The following GPC6 variants were observed in gnomAD, a reference collection of about 807,000 sequenced individuals.
GPC6 encodes the protein glypican 6, also known as glypican-6.
In GPC6, 14 loss-of-function variants were observed where a neutral mutation model predicts 55.2. The observed-to-expected ratio is 0.25, with a 90% CI of 0.17 to 0.40. GPC6 has a LOEUF of 0.40. Among genes scored for constraint, GPC6 ranks in the 10% least tolerant of loss-of-function variants. The pLI, the probability that GPC6 is intolerant of heterozygous loss-of-function variation, is 1.00. For synonymous variants in GPC6, 278 were observed against 259.6 expected (o/e 1.07, Z -0.68); for missense variants, 641 against 708.5 (o/e 0.90, Z 1.08).
intron 1 of GPC6, among the ~76,000 whole-genome samples, chr13:93,478,612 T>TGAAGGAGAATTTCA (rs1205748248): frequency 4.6e-5 from 7 of 152,162 alleles, no homozygotes; most frequent in Admixed American, 4.6e-4. Context: ...CCATAGCACA[T>TGAAGGAGAATTTCA]GAAGGAGAAT....
intron 4 of GPC6, among the ~76,000 whole-genome samples, chr13:94,100,635 T>C (rs974142385): frequency 6.6e-6 from 1 of 152,208 alleles, no homozygotes; most frequent in Non-Finnish European, 1.5e-5. Flanking sequence ...TCTGAACTTA[T>C]TGAGCTGAGT....
chr13:93,351,712 A>G (rs1211282580), intron 1 of GPC6, among the ~76,000 whole-genome samples: 2 of 152,170 alleles, frequency 1.3e-5, no homozygotes, highest in East Asian at 1.9e-4. Context: ...AATTTGTACA[A>G]TTACTATATG....
At chr13:94,149,338 A>G (rs1887660931) in intron 4 of GPC6, among the ~76,000 whole-genome samples, 1 of 152,160 alleles carries the variant, frequency 6.6e-6, no homozygotes, top group South Asian at 2.1e-4. Flanking sequence ...TGTCCCCAGG[A>G]AAAGCTGTGA....
intron 3 of GPC6, among the ~76,000 whole-genome samples, chr13:94,000,359 C>T (rs552584350): frequency 7.2e-5 from 11 of 152,252 alleles, no homozygotes; most frequent in African/African-American, 2.4e-4. Context: ...ATTTATTATT[C>T]TATATTACAT....
intron 5 of GPC6, among the ~76,000 whole-genome samples, chr13:94,301,848 CATTGAACCTATGGCCCT>C (rs1387414954): frequency 2.0e-5 from 3 of 152,250 alleles, no homozygotes; most frequent in Non-Finnish European, 4.4e-5. Flanking sequence ...TACTGACTCT[CATTGAACCTATGGCCCT>C]ATCCATCACA....
chr13:94,313,006 A>G (rs972888658), intron 6 of GPC6, among the ~76,000 whole-genome samples: 2 of 152,148 alleles, frequency 1.3e-5, no homozygotes, highest in South Asian at 2.1e-4. Flanking sequence ...CCCCACTGAG[A>G]CACCCCAGTT....
At chr13:93,979,318 T>TGTGTG (rs763435043) in intron 3 of GPC6, among the ~76,000 whole-genome samples, 1 of 139,100 alleles carries the variant, frequency 7.2e-6, no homozygotes, top group Non-Finnish European at 1.6e-5. Context: ...TGTGTGTGTG[T>TGTGTG]TTGTGTGTGT....
At chr13:94,055,542 A>G (rs905613909) in intron 4 of GPC6, among the ~76,000 whole-genome samples, 2 of 152,244 alleles carry the variant, frequency 1.3e-5, no homozygotes, top group Non-Finnish European at 2.9e-5. Context: ...GTACTTGAAA[A>G]GAATAGTTTA....
At chr13:93,265,875 A>G (rs895956942) in intron 1 of GPC6, among the ~76,000 whole-genome samples, 1 of 151,768 alleles carries the variant, frequency 6.6e-6, no homozygotes, top group Non-Finnish European at 1.5e-5. Flanking sequence ...CGCAAGGACA[A>G]CTGGCAGGAG....
chr13:93,590,174 AT>A (rs1228670309), intron 2 of GPC6, among the ~76,000 whole-genome samples: 1 of 152,196 alleles, frequency 6.6e-6, no homozygotes, highest in African/African-American at 2.4e-5. Flanking sequence ...AGAGTTTGTA[AT>A]TTATAGTAAA....
intron 5 of GPC6, among the ~76,000 whole-genome samples, chr13:94,304,126 C>T (rs1388196121): frequency 6.6e-6 from 1 of 152,206 alleles, no homozygotes; most frequent in Non-Finnish European, 1.5e-5. Flanking sequence ...TTAGGCACTA[C>T]GGAGAAAAGG....
At chr13:93,579,041 A>C (rs373410275) in intron 2 of GPC6, among the ~76,000 whole-genome samples, 4 of 152,112 alleles carry the variant, frequency 2.6e-5, no homozygotes, top group African/African-American at 9.7e-5. Flanking sequence ...GTTGGAGCTA[A>C]AAAACTAGAT....
intron 6 of GPC6, among the ~76,000 whole-genome samples, chr13:94,321,839 C>T (rs1358221917): frequency 6.6e-6 from 1 of 152,212 alleles, no homozygotes; most frequent in Non-Finnish European, 1.5e-5. Context: ...AATACCTAAG[C>T]TCTTGGTGCT....
chr13:93,387,474 C>T (rs1363831718), intron 1 of GPC6, among the ~76,000 whole-genome samples: 1 of 152,210 alleles, frequency 6.6e-6, no homozygotes, highest in Non-Finnish European at 1.5e-5. Flanking sequence ...TGGCTTCCAA[C>T]TTCATCCATG....
intron 1 of GPC6, among the ~76,000 whole-genome samples, chr13:93,351,504 C>T (rs138850118): frequency 7.0e-4 from 107 of 152,020 alleles, no homozygotes; most frequent in African/African-American, 2.4e-3. Flanking sequence ...AGGAGGAATA[C>T]GTTCTAGTGT....
At chr13:93,758,878 G>A (rs1029263284) in intron 2 of GPC6, among the ~76,000 whole-genome samples, 1 of 152,074 alleles carries the variant, frequency 6.6e-6, no homozygotes, top group South Asian at 2.1e-4. Context: ...AATTTTTAAT[G>A]TGGGGCTCTC....
chr13:94,361,154 G>T (rs1419759422), intron 6 of GPC6, among the ~76,000 whole-genome samples: 1 of 152,198 alleles, frequency 6.6e-6, no homozygotes, highest in African/African-American at 2.4e-5. Flanking sequence ...TGGTTGCTGA[G>T]TGTCCAATAG....
At chr13:94,295,503 T>A (rs559850179) in intron 5 of GPC6, among the ~76,000 whole-genome samples, 8 of 152,240 alleles carry the variant, frequency 5.3e-5, no homozygotes, top group African/African-American at 1.9e-4. Flanking sequence ...ATGGTGTTAT[T>A]TTTGATGGCA....
intron 3 of GPC6, among the ~76,000 whole-genome samples, chr13:93,899,747 C>A (rs1258024843): frequency 1.3e-5 from 2 of 152,058 alleles, no homozygotes; most frequent in Non-Finnish European, 2.9e-5. Flanking sequence ...CCAAAACAAC[C>A]AGTTTTCATC....
Sources: allele counts gnomAD v4.1 joint callset (sites outside exome capture counted in the v4.1 genomes callset), GRCh38; gene constraint gnomAD v4.1.1; transcripts MANE v1.5; gene names NCBI Gene and HGNC (gene_info 2026-07-23, HGNC 2026-07-21).